The following LCORL variants were observed in gnomAD, a reference collection of about 807,000 sequenced individuals.
LCORL encodes the protein ligand dependent nuclear receptor corepressor like, also known as ligand-dependent nuclear receptor corepressor-like protein.
In LCORL, 41 loss-of-function variants were observed where a neutral mutation model predicts 141.8. That is an observed-to-expected ratio of 0.29 (90% CI 0.23 to 0.38). LCORL has a LOEUF of 0.38. Among genes scored for constraint, LCORL ranks in the 10% least tolerant of loss-of-function variants. LCORL has a pLI of 1.00. For missense variants in LCORL, 1,759 were observed against 2,035.0 expected, an observed-to-expected ratio of 0.86 and a Z score of 2.61; for synonymous variants, 618 against 694.1, an observed-to-expected ratio of 0.89 and a Z score of 1.72.
chr4:17,928,070 A>C (rs1735440721), intron 4 of LCORL, among the ~76,000 whole-genome samples: 1 of 152,234 alleles, frequency 6.6e-6, no homozygotes, highest in Non-Finnish European at 1.5e-5. Flanking sequence ...ACGAACAAGA[A>C]GGATTTATGT....
chr4:17,857,268 G>A lies in LCORL; in HGVS notation c.5603-11367C>T, dbSNP rs149437815. ...TAGAGTATAGGAGAGACATGGGGGTGGGGGGAGAAAGGAGAGAGAAGGAGA... is the reference window on the plus strand; with the variant it reads ...TAGAGTATAGGAGAGACATGGGGGTAGGGGGAGAAAGGAGAGAGAAGGAGA... On this transcript the variant is annotated intron_variant, in intron 7 of 7. Coordinates refer to ENST00000635767, the Ensembl canonical transcript of LCORL. Among the ~76,000 whole-genome samples the A allele has an allele frequency of 4.1e-4, 62 of 152,056 alleles. 2 individuals are homozygous for A. In the East Asian group the frequency reaches 0.011, roughly 27 times the overall value.
At chr4:17,959,171 T>C (rs1713286968) in intron 4 of LCORL, among the ~76,000 whole-genome samples, 1 of 152,078 alleles carries the variant, frequency 6.6e-6, no homozygotes, top group Non-Finnish European at 1.5e-5. Flanking sequence ...AATTAATCAC[T>C]GAAATTGTTC....
At chr4:17,896,135 T>C (rs1164110734) in intron 5 of LCORL, among the ~76,000 whole-genome samples, 1 of 152,206 alleles carries the variant, frequency 6.6e-6, no homozygotes, top group African/African-American at 2.4e-5. Flanking sequence ...AGGGGTTGCA[T>C]CATTTTATAT....
intron 4 of LCORL, among the ~76,000 whole-genome samples, chr4:17,930,689 C>T (rs755236275): frequency 1.3e-5 from 2 of 152,090 alleles, no homozygotes; most frequent in Non-Finnish European, 1.5e-5. Context: ...CATAGGATTA[C>T]GTTTGACGCT....
intron 6 of LCORL, 70 bp downstream of exon 6, chr4:17,885,998 T>C: frequency 2.4e-6 from 2 of 818,498 alleles, no homozygotes; most frequent in Admixed American, 2.5e-5. Flanking sequence ...CTACTCAGAA[T>C]AGTATTAAGA....
At chr4:17,877,964 C>CATA in exon 7 of LCORL, 1 of 1,230,590 alleles carries the variant, frequency 8.1e-7, no homozygotes, top group Non-Finnish European at 1.0e-6. Flanking sequence ...TTTCTGCCAG[C>CATA]CTATATTCAC....
Position 17,963,069 on chromosome 4 carries a change from T to C in LCORL, c.221-20A>G. On this transcript the variant is annotated intron_variant, in intron 2 of 7. Transcript: ENST00000635767. The stretch of plus-strand genomic sequence containing the variant: ...CACAGTCTTTAAAAGAGGGAAAAAA[T>C]TCATTAAATATACTAACTTTATTAA... 7.2e-7 allele frequency: 1 copy of C among 1,390,972 alleles called. No individual in the cohort carries two copies. The highest frequency in any genetic ancestry group is 1.0e-6 in the Non-Finnish European group (1 of 997,898). 86.2% of individuals were successfully genotyped at this position (1,390,972 alleles called of 1,614,324 possible).
intron 6 of LCORL, chr4:17,883,653 T>G: frequency 6.9e-7 from 1 of 1,445,794 alleles, no homozygotes; most frequent in Non-Finnish European, 9.1e-7. Flanking sequence ...TACACACCTG[T>G]GCACATACAC....
exon 8 of LCORL, chr4:17,844,563 GTAA>G (rs892363965): frequency 6.6e-6 from 1 of 152,368 alleles, no homozygotes; most frequent in Non-Finnish European, 1.5e-5. Flanking sequence ...AGGAAAAATG[GTAA>G]TGATAGAAAG....
intron 4 of LCORL, among the ~76,000 whole-genome samples, chr4:17,952,856 T>C (rs183774057): frequency 1.1e-3 from 164 of 152,286 alleles, no homozygotes; most frequent in Non-Finnish European, 2.0e-3. Context: ...GATAGTTATT[T>C]TTCCTGATCC....
At chr4:17,868,155 T>A (rs1725906471) in intron 7 of LCORL, among the ~76,000 whole-genome samples, 1 of 152,206 alleles carries the variant, frequency 6.6e-6, no homozygotes, top group Non-Finnish European at 1.5e-5. Flanking sequence ...GAGGAGTATG[T>A]ATGGTTAGTC....
chr4:17,923,450 A>T (rs1056657492), intron 4 of LCORL, among the ~76,000 whole-genome samples: 1 of 152,246 alleles, frequency 6.6e-6, no homozygotes, highest in East Asian at 1.9e-4. Flanking sequence ...GTTCGAGACC[A>T]GCCTGGCCAA....
chr4:17,874,171 A>G, exon 7 of LCORL: 1 of 1,233,738 alleles, frequency 8.1e-7, no homozygotes, highest in Non-Finnish European at 1.0e-6. Context: ...TCTCTTTTCC[A>G]CCTTTCATGA....
chr4:17,946,301 G>A (rs932470876), intron 4 of LCORL, among the ~76,000 whole-genome samples: 8 of 151,940 alleles, frequency 5.3e-5, no homozygotes, highest in African/African-American at 1.7e-4. Flanking sequence ...CTGTATTACT[G>A]TATATGGTAT....
intron 4 of LCORL, chr4:17,912,388 AG>A (rs2109338911): frequency 1.6e-6 from 1 of 644,354 alleles, no homozygotes. Context: ...TGCCAGCTCT[AG>A]GGTGACTGCG....
In LCORL at chr4:18,021,584, C is replaced by G. The variant is rs1206469257; in HGVS notation, c.154+14G>C. 3 of 1,516,458 alleles carry G rather than the reference C, an allele frequency of 2.0e-6. No individual in the cohort carries two copies. Among genetic ancestry groups the G allele is most frequent in the South Asian group, 1.2e-5 (1 of 81,394 alleles). The allele number at this position is 1,516,458 out of a possible 1,614,324, so 93.9% of individuals were successfully genotyped here. On this transcript the variant is annotated intron_variant, in intron 1 of 7. Transcript: ENST00000635767. This position sits in a 1 kb window ranked among gnomAD's most constrained non-coding sequence, Gnocchi z 5.5. Reference sequence around the variant, plus strand: ...CCGCGCGGAGCCCGGGGCCCCGGCCCGCGTCTCTCTTACCTACACAGTGCA... The same window carrying G: ...CCGCGCGGAGCCCGGGGCCCCGGCCGGCGTCTCTCTTACCTACACAGTGCA...
At chr4:17,960,920 A>ATTAAAGGATATATAT (rs1713654305) in intron 4 of LCORL, among the ~76,000 whole-genome samples, 1 of 152,146 alleles carries the variant, frequency 6.6e-6, no homozygotes, top group African/African-American at 2.4e-5. Context: ...AGACTCTTCT[A>ATTAAAGGATATATAT]ATAAGAGGAT....
At chr4:17,925,232 TGAA>T (rs1325396729) in intron 4 of LCORL, among the ~76,000 whole-genome samples, 3 of 152,124 alleles carry the variant, frequency 2.0e-5, no homozygotes, top group Admixed American at 6.5e-5. Flanking sequence ...AGACAAACTA[TGAA>T]GATGAAATTA....
chr4:17,869,717 C>G (rs1399648058), intron 7 of LCORL, among the ~76,000 whole-genome samples: 1 of 152,136 alleles, frequency 6.6e-6, no homozygotes, highest in African/African-American at 2.4e-5. Context: ...ATCCTTATTT[C>G]AGCTCAGGCC....
Sources: gnomAD v4.1 joint callset for allele counts (sites outside exome capture counted in the v4.1 genomes callset) on GRCh38, gnomAD v4.1.1 for gene constraint, Gnocchi (gnomAD v3.1) non-coding constraint, MANE v1.5 for transcripts, NCBI Gene and HGNC (gene_info 2026-07-23, HGNC 2026-07-21) for gene names.